Variants in TMEM120B observed in about 807,000 individuals in gnomAD.
The protein encoded by TMEM120B is transmembrane protein 120B.
In TMEM120B, 31 loss-of-function variants were observed where a neutral mutation model predicts 55.5. That is an observed-to-expected ratio of 0.56 (90% confidence interval 0.42 to 0.75). The LOEUF (loss-of-function observed/expected upper bound fraction) is 0.75. TMEM120B is among the 30% of genes least tolerant of loss of function. The pLI, the probability that TMEM120B is intolerant of heterozygous loss-of-function variation, is 0.00. For missense variants in TMEM120B, 399 were observed against 425.5 expected, an observed-to-expected ratio of 0.94 and a Z score of 0.55; for synonymous variants, 203 against 176.3, an observed-to-expected ratio of 1.15 and a Z score of -1.20.
intron 1 of TMEM120B, among the ~76,000 whole-genome samples, chr12:121,739,116 G>C (rs1372560476): frequency 6.6e-6 from 1 of 152,138 alleles, no homozygotes; most frequent in African/African-American, 2.4e-5. Context: ...GAACCCGGGA[G>C]GCAGAGGTTG....
intron 5 of TMEM120B, among the ~76,000 whole-genome samples, chr12:121,753,980 T>C (rs1413948117): frequency 6.6e-6 from 1 of 152,234 alleles, no homozygotes; most frequent in Non-Finnish European, 1.5e-5. Flanking sequence ...GGGCTGCTGC[T>C]GCCCTGCCTG....
intron 6 of TMEM120B, among the ~76,000 whole-genome samples, chr12:121,766,245 G>A (rs1429595206): frequency 1.3e-5 from 2 of 152,148 alleles, no homozygotes; most frequent in African/African-American, 4.8e-5. Flanking sequence ...GCCACCCTCG[G>A]TTTGTGTCTG....
chr12:121,726,597 A>AAAAT lies in TMEM120B; in HGVS notation c.69+13635_69+13636insATAA, dbSNP rs1566507473. The stretch of plus-strand genomic sequence containing the variant: ...CTGTCTCAAAAAAAAAAATAAAATA[A>AAAAT]AATAATAATAATAATGCTTCAGGCC... On this transcript the variant is annotated intron_variant, in intron 1 of 11. Transcript: ENST00000449592. Among the ~76,000 whole-genome samples the AAAAT allele has an allele frequency of 2.7e-5, 4 of 149,790 alleles. No homozygotes were observed. In the East Asian group the frequency reaches 5.9e-4, roughly 22 times the overall value.
intron 2 of TMEM120B, among the ~76,000 whole-genome samples, chr12:121,746,920 T>C (rs1290702248): frequency 1.3e-5 from 2 of 150,610 alleles, no homozygotes; most frequent in African/African-American, 4.9e-5. Flanking sequence ...ATGGCGCCAC[T>C]GCACTCCAGC....
intron 8 of TMEM120B, among the ~76,000 whole-genome samples, chr12:121,772,085 TTCTC>T (rs138202551): frequency 0.22 from 31,089 of 141,482 alleles, 3,481 homozygotes; most frequent in African/African-American, 0.31. Context: ...TTCTTTCTCT[TTCTC>T]TCTCTCTCTC....
chr12:121,750,956 C>A (rs1873290278), intron 4 of TMEM120B, among the ~76,000 whole-genome samples: 2 of 63,538 alleles, frequency 3.1e-5, no homozygotes, highest in Admixed American at 1.8e-4. Flanking sequence ...TAACACCCCA[C>A]ACCCACACCA....
intron 1 of TMEM120B, among the ~76,000 whole-genome samples, chr12:121,742,854 C>T (rs975734792): frequency 1.1e-4 from 16 of 152,210 alleles, no homozygotes; most frequent in African/African-American, 1.9e-4. Flanking sequence ...GGATTACAGG[C>T]GTGAGCCAGC....
At chr12:121,772,457 A>G (rs1286627431) in intron 8 of TMEM120B, among the ~76,000 whole-genome samples, 1 of 136,304 alleles carries the variant, frequency 7.3e-6, no homozygotes, top group African/African-American at 2.8e-5. Flanking sequence ...TTTTTTTGAG[A>G]TGGAGTTTCT....
rs1894727764 is a variant in TMEM120B at position 121,717,803 on chromosome 12, G to A, written c.69+4839G>A. Among the ~76,000 whole-genome samples, 8 of 152,156 alleles carry A rather than the reference G, an allele frequency of 5.3e-5. No homozygotes were observed. The South Asian group carries it at 1.2e-3, about 24-fold the overall frequency. ...CTCCCGAGTAGCTGGGATTACAGATGTGTGCCACCACTCCTGGCTAATTTT... is the reference window on the plus strand; with the variant it reads ...CTCCCGAGTAGCTGGGATTACAGATATGTGCCACCACTCCTGGCTAATTTT... On this transcript the variant is annotated intron_variant, in intron 1 of 11. Coordinates refer to ENST00000449592, the MANE Select transcript of TMEM120B (RefSeq NM_001080825.2).
Position 121,774,727 on chromosome 12 carries a change from G to A in TMEM120B, c.837+5G>A, listed in dbSNP as rs1476244553. 6.2e-7 allele frequency: 1 copy of A among 1,613,708 alleles called. No individual in the cohort carries two copies. Among genetic ancestry groups the A allele is most frequent in the Admixed American group, 1.7e-5 (1 of 59,998 alleles). On this transcript the variant is annotated splice_donor_5th_base_variant and intron_variant, in intron 10 of 11. Coordinates refer to ENST00000449592, the MANE Select transcript of TMEM120B (RefSeq NM_001080825.2). ...CCCTTCCTCTTCTGTGGCCATGTGA[G>A]TCCCCCTGGAGTTTGTGGGTATCTC...
chr12:121,773,034 C>T (rs185387309), intron 8 of TMEM120B, among the ~76,000 whole-genome samples: 16 of 152,282 alleles, frequency 1.1e-4, no homozygotes, highest in African/African-American at 2.9e-4. Context: ...TTAGCAACAA[C>T]GAAGTATCCC....
rs1874288733 is a variant in TMEM120B at position 121,777,661 on chromosome 12, C to G, written c.*1939C>G. ...TAGCTGTCTGTAAAGGGCCAGATGG[C>G]AACTATTTTGAGCTTTATGGGCCAG... is the stretch of plus-strand genomic sequence containing the variant. On this transcript the variant is annotated 3_prime_UTR_variant, in exon 12 of 12. Coordinates refer to ENST00000449592, the MANE Select transcript of TMEM120B (RefSeq NM_001080825.2). 1 of 152,246 alleles carries G rather than the reference C, an allele frequency of 6.6e-6. No homozygotes were observed. Among genetic ancestry groups the G allele is most frequent in the East Asian group, 1.9e-4 (1 of 5,206 alleles). The allele number at this position is 152,246 out of a possible 1,614,324, so 9.4% of individuals were successfully genotyped here.
chr12:121,723,936 G>T (rs1894842803), intron 1 of TMEM120B, among the ~76,000 whole-genome samples: 1 of 151,392 alleles, frequency 6.6e-6, no homozygotes, highest in African/African-American at 2.4e-5. Context: ...AAGTAGCTGT[G>T]ACTACAGGCA....
chr12:121,748,258 C>G, intron 2 of TMEM120B, 68 bp from the exon 3 acceptor site: 5 of 1,241,540 alleles, frequency 4.0e-6, no homozygotes, highest in Middle Eastern at 5.1e-4. Flanking sequence ...GGCTGGGGCC[C>G]GGGGAGTCCA....
intron 1 of TMEM120B, among the ~76,000 whole-genome samples, chr12:121,737,135 C>G (rs1374235156): frequency 6.6e-6 from 1 of 152,106 alleles, no homozygotes; most frequent in Non-Finnish European, 1.5e-5. Context: ...ACAAGCCTAC[C>G]TAGATTTAAG....
chr12:121,764,160 C>CAAAA (rs150917405), intron 6 of TMEM120B, among the ~76,000 whole-genome samples: 1 of 117,994 alleles, frequency 8.5e-6, no homozygotes, highest in Non-Finnish European at 1.9e-5. Flanking sequence ...TCATCTTTAC[C>CAAAA]AAAAAAAAAA....
chr12:121,743,549 C>G lies in TMEM120B; in HGVS notation c.70-80C>G, dbSNP rs917502276. On this transcript the variant is annotated intron_variant, in intron 1 of 11. Transcript: ENST00000449592. The stretch of plus-strand genomic sequence containing the variant: ...CTCCAGCCTGGGTGACAGAGCGAGA[C>G]TCTCTCAAAAAAAAAAAGAAAAGAA... 9.0e-6 allele frequency: 10 copies of G among 1,115,644 alleles called. No individual in the cohort carries two copies. In the African/African-American group the frequency reaches 1.6e-4, roughly 17 times the overall value. 69.1% of individuals were successfully genotyped at this position (1,115,644 alleles called of 1,614,324 possible).
chr12:121,722,376 C>T (rs1420653038), intron 1 of TMEM120B, among the ~76,000 whole-genome samples: 10 of 152,174 alleles, frequency 6.6e-5, no homozygotes, highest in African/African-American at 2.2e-4. Context: ...GGATTAGAGG[C>T]GTAAGCCACT....
intron 9 of TMEM120B, 84 bp from the exon 10 acceptor site, chr12:121,774,574 G>T: frequency 7.4e-7 from 1 of 1,347,506 alleles, no homozygotes; most frequent in Admixed American, 1.8e-5. Context: ...AGGGTGACTG[G>T]TGTGGCTGGG....
Sources: gnomAD v4.1 joint callset for allele counts (sites outside exome capture counted in the v4.1 genomes callset) on GRCh38, gnomAD v4.1.1 for gene constraint, MANE v1.5 for transcripts, NCBI Gene and HGNC (gene_info 2026-07-23, HGNC 2026-07-21) for gene names.